Variants in RAB27A observed in about 807,000 individuals in gnomAD.
The protein encoded by RAB27A is RAB27A, member RAS oncogene family.
In RAB27A, 17 loss-of-function variants were observed where a neutral mutation model predicts 20.8. The ratio of observed to expected loss-of-function variants is 0.82; its 90% confidence interval spans 0.56 to 1.23. RAB27A has a LOEUF of 1.23. Among genes scored for constraint, RAB27A ranks in the 50% most tolerant of loss-of-function variants. RAB27A has a pLI of 0.00. For missense variants in RAB27A, 277 were observed against 266.7 expected (o/e 1.04, Z -0.27); for synonymous variants, 85 against 92.8 (o/e 0.92, Z 0.48).
At chr15:55,286,912 C>CTTTT (rs35313703) in intron 1 of RAB27A, among the ~76,000 whole-genome samples, 28 of 57,168 alleles carry the variant, frequency 4.9e-4, no homozygotes, top group African/African-American at 7.4e-4. Context: ...TAGATGTATT[C>CTTTT]TTTTTTTTTT....
In RAB27A at chr15:55,204,364, A is replaced by G. The variant is rs1438739299; in HGVS notation, c.*1143T>C. 1 of 152,252 alleles carries G rather than the reference A, an allele frequency of 6.6e-6. No homozygotes were observed. Among genetic ancestry groups the G allele is most frequent in the Admixed American group, 6.5e-5 (1 of 15,286 alleles). The allele number at this position is 152,252 out of a possible 1,614,324, so 9.4% of individuals were successfully genotyped here. ...TAAATGCTCATGAGCTCTATGAAAA[A>G]TATAGGCTACAGAATACTTCATTTT... On this transcript the variant is annotated 3_prime_UTR_variant, in exon 7 of 7. Coordinates refer to ENST00000336787, the MANE Select transcript of RAB27A (RefSeq NM_183235.3).
chr15:55,253,562 C>T (rs552508237), intron 2 of RAB27A, among the ~76,000 whole-genome samples: 3 of 152,168 alleles, frequency 2.0e-5, no homozygotes, highest in African/African-American at 4.8e-5. Flanking sequence ...ACTTAGTCCC[C>T]CAAGGCCATA....
chr15:55,274,400 G>A (rs1202692615), intron 1 of RAB27A, among the ~76,000 whole-genome samples: 2 of 151,838 alleles, frequency 1.3e-5, no homozygotes, highest in African/African-American at 2.4e-5. Context: ...AAAAATTGGA[G>A]CCAAAATGAA....
Position 55,239,395 on chromosome 15 carries a change from A to T in RAB27A, c.-22-4439T>A, listed in dbSNP as rs187916230. Among the ~76,000 whole-genome samples the T allele has an allele frequency of 2.3e-3, 349 of 152,336 alleles. 3 individuals carry two copies. Among genetic ancestry groups the T allele is most frequent in the African/African-American group, 8.0e-3 (334 of 41,580 alleles). On this transcript the variant is annotated intron_variant, in intron 2 of 6. Coordinates refer to ENST00000336787, the MANE Select transcript of RAB27A (RefSeq NM_183235.3). ...CAGTTTGGTGTTTAAAACTTGTGCC[A>T]AACCAACAAACTTAAAATTTTATTT...
At chr15:55,267,040 G>A (rs140064130) in intron 2 of RAB27A, among the ~76,000 whole-genome samples, 2 of 152,292 alleles carry the variant, frequency 1.3e-5, no homozygotes, top group Non-Finnish European at 2.9e-5. Flanking sequence ...ATACAAGAAG[G>A]ACACTAGGAA....
chr15:55,288,798 T>C (rs1898227766), intron 1 of RAB27A: 1 of 151,562 alleles, frequency 6.6e-6, no homozygotes, highest in Non-Finnish European at 1.5e-5. Flanking sequence ...GTATTTTCCC[T>C]CTAAAGCAAG....
intron 6 of RAB27A, among the ~76,000 whole-genome samples, chr15:55,216,709 A>G (rs1327919240): frequency 6.6e-6 from 1 of 152,212 alleles, no homozygotes; most frequent in Non-Finnish European, 1.5e-5. Flanking sequence ...GCTGATCTAT[A>G]AAATCTACAA....
At chr15:55,208,124 C>T (rs1894741644) in intron 6 of RAB27A, among the ~76,000 whole-genome samples, 1 of 152,100 alleles carries the variant, frequency 6.6e-6, no homozygotes, top group Non-Finnish European at 1.5e-5. Context: ...CCTAAACGTC[C>T]ATCAATAAGC....
At chr15:55,309,180 C>G (rs755190704) in intron 2 of RAB27A, among the ~76,000 whole-genome samples, 2 of 152,132 alleles carry the variant, frequency 1.3e-5, no homozygotes, top group Admixed American at 6.5e-5. Context: ...TCTATTTCAC[C>G]GTACCTGGGA....
rs192626976 is a variant in RAB27A, at chr15:55,256,956, G to C, written c.-23+13209C>G. Among the ~76,000 whole-genome samples, 271 of 152,276 alleles carry C rather than the reference G, an allele frequency of 1.8e-3. 2 individuals are homozygous for C. Among genetic ancestry groups the C allele is most frequent in the African/African-American group, 6.3e-3 (261 of 41,544 alleles). On this transcript the variant is annotated intron_variant, in intron 2 of 6. Transcript: ENST00000336787. ...ATCACCTCTCACTCCTTGAAGATGA[G>C]AGCCTAGATGAGGGCAGCCGCATGG...
At chr15:55,239,907 C>A (rs1341184796) in intron 2 of RAB27A, among the ~76,000 whole-genome samples, 4 of 152,122 alleles carry the variant, frequency 2.6e-5, no homozygotes, top group African/African-American at 9.7e-5. Flanking sequence ...AGCTTGCAGT[C>A]CAGTTAGTGA....
At chr15:55,258,464 C>T (rs1050975773) in intron 2 of RAB27A, among the ~76,000 whole-genome samples, 1 of 152,184 alleles carries the variant, frequency 6.6e-6, no homozygotes, top group Non-Finnish European at 1.5e-5. Context: ...TGTCCAGCCA[C>T]CCTGAGGGAC....
chr15:55,221,308 T>A (rs959892167), intron 6 of RAB27A, among the ~76,000 whole-genome samples: 18 of 152,096 alleles, frequency 1.2e-4, no homozygotes, highest in African/African-American at 4.3e-4. Context: ...TTTACTGACA[T>A]ACTCTCAAAA....
rs55785751 is a variant in RAB27A at position 55,241,604 on chromosome 15, A to C, written c.-22-6648T>G. Among the ~76,000 whole-genome samples the C allele has an allele frequency of 9.4e-4, 121 of 128,864 alleles. 16 individuals carry two copies. Among genetic ancestry groups the C allele is most frequent in the African/African-American group, 4.4e-3 (113 of 25,736 alleles). The allele number at this position is 128,864 out of a possible 152,430, so 84.5% of individuals were successfully genotyped here. ...CAGGCAACTAGCAAGACCTATTTAT[A>C]TATATATATATATATATATATGTGT... On this transcript the variant is annotated intron_variant, in intron 2 of 6. Coordinates refer to ENST00000336787, the MANE Select transcript of RAB27A (RefSeq NM_183235.3).
chr15:55,245,900 A>G (rs889168045), intron 2 of RAB27A, among the ~76,000 whole-genome samples: 23 of 152,174 alleles, frequency 1.5e-4, no homozygotes, highest in Non-Finnish European at 2.5e-4. Flanking sequence ...ACTTGAGGTC[A>G]GGAGTTCAAA....
At chr15:55,286,884 G>A (rs1898168201) in intron 1 of RAB27A, among the ~76,000 whole-genome samples, 1 of 149,508 alleles carries the variant, frequency 6.7e-6, no homozygotes, top group South Asian at 2.1e-4. Context: ...CAGAAGTGGT[G>A]AGAAATGGTT....
intron 3 of RAB27A, among the ~76,000 whole-genome samples, chr15:55,231,708 A>T (rs1050162174): frequency 6.6e-6 from 1 of 152,128 alleles, no homozygotes; most frequent in Non-Finnish European, 1.5e-5. Flanking sequence ...TAAAAGTCCC[A>T]TACTGAGAAA....
At chr15:55,226,666 T>C (rs1453829040) in intron 5 of RAB27A, among the ~76,000 whole-genome samples, 2 of 151,972 alleles carry the variant, frequency 1.3e-5, no homozygotes, top group African/African-American at 4.8e-5. Context: ...GGTCAGGAGT[T>C]GGATGAAACC....
chr15:55,216,782 C>T (rs528231703), intron 6 of RAB27A, among the ~76,000 whole-genome samples: 45 of 152,272 alleles, frequency 3.0e-4, no homozygotes, highest in African/African-American at 1.0e-3. Context: ...GCACTCAGAC[C>T]TGTCCTGGCC....
Sources: allele counts gnomAD v4.1 joint callset (sites outside exome capture counted in the v4.1 genomes callset), GRCh38; gene constraint gnomAD v4.1.1; transcripts MANE v1.5; gene names NCBI Gene and HGNC (gene_info 2026-07-23, HGNC 2026-07-21).